RABL6: variants seen among roughly 807,000 people sequenced by gnomAD.
RABL6 encodes RAB, member RAS oncogene family like 6, also known as rab-like protein 6.
A neutral mutation model predicts 72.9 loss-of-function variants in RABL6; 28 were observed. The observed-to-expected ratio is 0.38, with a 90% CI of 0.28 to 0.53. The LOEUF (loss-of-function observed/expected upper bound fraction) is 0.53, where lower values mean the gene tolerates loss of function less well. Ranked by LOEUF, RABL6 falls within the 20% of genes least tolerant of loss-of-function variation. The pLI is 0.80. For synonymous variants in RABL6, 477 were observed against 421.2 expected (o/e 1.13, Z -1.62); for missense variants, 1,029 against 1,008.4 (o/e 1.02, Z -0.28).
chr9:136,825,985 C>T (rs938292562), intron 3 of RABL6, among the ~76,000 whole-genome samples, 159 bp downstream of exon 3: 2 of 152,126 alleles, frequency 1.3e-5, no homozygotes, highest in Admixed American at 1.3e-4. Context: ...CAGTGGCGAC[C>T]CCGCAGCGTG....
rs746977093 is a variant in RABL6, at chr9:136,831,869, C to T, written c.599+8C>T. The T allele has an allele frequency of 1.3e-5, 21 of 1,604,188 alleles. No homozygotes were observed. Among genetic ancestry groups the T allele is most frequent in the South Asian group, 3.3e-5 (3 of 90,412 alleles). ...CATCGACAACCTGGACAGGTGGGTG[C>T]GGTGGCCCTGCTCCCGAGGGACCCT... On this transcript the variant is annotated splice_region_variant and intron_variant, in intron 6 of 14. Transcript: ENST00000311502.
intron 2 of RABL6, 139 bp downstream of exon 2, chr9:136,823,798 C>G: frequency 1.7e-6 from 2 of 1,148,874 alleles, no homozygotes; most frequent in African/African-American, 3.1e-5. Context: ...CGTGGGGGCC[C>G]TGGCGTGAAC....
chr9:136,820,331 C>G (rs1012446152), intron 1 of RABL6, among the ~76,000 whole-genome samples: 16 of 152,058 alleles, frequency 1.1e-4, no homozygotes, highest in African/African-American at 3.4e-4. Flanking sequence ...TGCCACTGTG[C>G]TGGCTCTAGC....
At chr9:136,821,391 G>A (rs1564362273) in intron 1 of RABL6, 5 of 985,376 alleles carry the variant, frequency 5.1e-6, no homozygotes, top group Admixed American at 6.1e-5. Flanking sequence ...AGCACAGCGC[G>A]TGGGCCGCCT....
intron 2 of RABL6, among the ~76,000 whole-genome samples, chr9:136,825,456 A>G (rs1848333881): frequency 1.4e-5 from 2 of 144,762 alleles, no homozygotes; most frequent in East Asian, 2.0e-4. Context: ...CCGGGGAGGG[A>G]GGGGCCGTGC....
At chr9:136,836,859 C>G in intron 8 of RABL6, 1 of 315,024 alleles carries the variant, frequency 3.2e-6, no homozygotes, top group Non-Finnish European at 6.2e-6. Flanking sequence ...CCTGCTGTCC[C>G]CACCCTTTGG....
At position 136,840,525 on chromosome 9, in the gene RABL6, C is replaced by T. The variant is rs762239302; in HGVS notation, c.*3C>T. On this transcript the variant is annotated 3_prime_UTR_variant, in exon 15 of 15. Transcript: ENST00000311502. ...GTGGCGACTACGAGGAGCTCTAGGC[C>T]GGCGTGGGCAGTGGCCGCCCTGGGG... is the stretch of plus-strand genomic sequence containing the variant. 20 of 1,541,346 alleles carry T rather than the reference C, an allele frequency of 1.3e-5. No homozygotes were observed. The highest frequency in any genetic ancestry group is 8.3e-5 in the African/African-American group (6 of 72,680).
chr9:136,811,681 C>G (rs1270687643), intron 1 of RABL6, among the ~76,000 whole-genome samples: 1 of 151,738 alleles, frequency 6.6e-6, no homozygotes, highest in Non-Finnish European at 1.5e-5. Flanking sequence ...TTTAGAGAGA[C>G]AGGGTTTCAC....
rs761893046 is a variant in RABL6 at position 136,838,996 on chromosome 9, G to A, written c.1368G>A (p.Pro456=). Residue 456 remains proline (P), a synonymous_variant, in exon 11 of 15, where the codon CCG becomes CCA. Coordinates refer to ENST00000311502, the MANE Select transcript of RABL6 (RefSeq NM_024718.5). ...DLEDQPRGSP[P]LPAGPVPSQD... is the part of the protein sequence containing the mutation. ...AAGACCAGCCACGTGGGAGTCCCCC[G>A]CTGCCTGCAGGCCCCGTCCCCAGTC... is the stretch of plus-strand genomic sequence containing the variant. The A allele has an allele frequency of 4.7e-5, 75 of 1,611,906 alleles. No homozygotes were observed. Among genetic ancestry groups the A allele is most frequent in the Non-Finnish European group, 6.2e-5 (73 of 1,179,614 alleles).
At chr9:136,828,582 A>G in intron 4 of RABL6, 36 bp downstream of exon 4, 1 of 1,606,958 alleles carries the variant, frequency 6.2e-7, no homozygotes, top group African/African-American at 1.3e-5. Flanking sequence ...GCAGTGGCTC[A>G]GGGCCCCGGG....
rs1236650033 is a variant in RABL6, at chr9:136,838,973, G to A, written c.1345G>A (p.Asp449Asn). The change falls in exon 11 of 15, where the codon GAC becomes AAC. Residue 449 changes from aspartate to asparagine, a missense_variant. By Grantham distance (23) the Asp-to-Asn change is conservative. Transcript: ENST00000311502. Reference protein sequence around the residue: ...AGFQDDVDLEDQPRGSPPLPA... With the variant: ...AGFQDDVDLENQPRGSPPLPA... ...GTTCCAGGACGATGTGGACCTCGAA[G>A]ACCAGCCACGTGGGAGTCCCCCGCT... The A allele has an allele frequency of 1.9e-6, 3 of 1,611,414 alleles. No individual in the cohort carries two copies. Among genetic ancestry groups the A allele is most frequent in the South Asian group, 1.1e-5 (1 of 90,906 alleles).
intron 1 of RABL6, chr9:136,814,103 C>T: frequency 2.9e-6 from 1 of 344,070 alleles, no homozygotes; most frequent in South Asian, 2.7e-5. Context: ...GCTTGAAAAT[C>T]CACATAGTCA....
Position 136,839,762 on chromosome 9 carries a change from C to T in RABL6, c.1827C>T (p.Pro609=). The part of the protein sequence containing the change: ...TDEDEGPAEP[P]PPPKLPLPAF... ...AGGATGAGGGCCCTGCCGAGCCGCC[C>T]CCACCCCCCAAGCTCCCTCTCCCCG... is the stretch of plus-strand genomic sequence containing the variant. Residue 609 remains proline, a synonymous_variant, in exon 13 of 15, where the codon CCC becomes CCT. Transcript: ENST00000311502. 5 of 1,612,334 alleles carry T rather than the reference C, an allele frequency of 3.1e-6. No individual in the cohort carries two copies. The highest frequency in any genetic ancestry group is 4.2e-6 in the Non-Finnish European group (5 of 1,179,484).
At chr9:136,834,019 G>C (rs943753818) in intron 7 of RABL6, 2 of 1,479,240 alleles carry the variant, frequency 1.4e-6, no homozygotes, top group African/African-American at 2.8e-5. Context: ...CCTGGACAGA[G>C]TCTTGAGCTG....
chr9:136,821,799 GGA>G, intron 1 of RABL6: 1 of 1,177,960 alleles, frequency 8.5e-7, no homozygotes, highest in Non-Finnish European at 1.1e-6. Context: ...GTTCTCCGCG[GGA>G]GAGGGAGGGG....
chr9:136,834,004 G>T, intron 7 of RABL6: 1 of 1,504,244 alleles, frequency 6.6e-7, no homozygotes. Context: ...GGGAGAGAAC[G>T]GGACCCTGGA....
chr9:136,831,873 G>GA lies in RABL6; in HGVS notation c.599+12_599+13insA. 6.2e-7 allele frequency: 1 copy of GA among 1,603,214 alleles called. No individual in the cohort carries two copies. ...GACAACCTGGACAGGTGGGTGCGGT[G>GA]GCCCTGCTCCCGAGGGACCCTGCCC... is the stretch of plus-strand genomic sequence containing the variant. On this transcript the variant is annotated intron_variant, in intron 6 of 14. Transcript: ENST00000311502.
intron 1 of RABL6, chr9:136,810,140 C>T (rs960130250): frequency 1.3e-5 from 2 of 152,162 alleles, no homozygotes; most frequent in Non-Finnish European, 2.9e-5. Flanking sequence ...GCGTTTGGAT[C>T]CTTTATTTAA....
chr9:136,833,710 C>CT (rs1401590710), intron 7 of RABL6: 16 of 1,550,124 alleles, frequency 1.0e-5, no homozygotes, highest in African/African-American at 8.2e-5. Context: ...CAGCCTTGGT[C>CT]TTTCTCCAGA....
Sources: gnomAD v4.1 joint callset for allele counts (sites outside exome capture counted in the v4.1 genomes callset) on GRCh38, gnomAD v4.1.1 for gene constraint, MANE v1.5 for transcripts, NCBI Gene and HGNC (gene_info 2026-07-23, HGNC 2026-07-21) for gene names.